ITFG2: variants seen among roughly 807,000 people sequenced by gnomAD.
ITFG2 encodes KICSTOR complex protein ITFG2.
A neutral mutation model predicts 54.4 loss-of-function variants in ITFG2; 36 were observed. That is an observed-to-expected ratio of 0.66 (90% CI 0.51 to 0.87). The LOEUF is 0.87. ITFG2 is among the 40% of genes least tolerant of loss of function. The pLI is 0.00. For missense variants in ITFG2, 524 were observed against 576.7 expected, an observed-to-expected ratio of 0.91 and a Z score of 0.94; for synonymous variants, 211 against 225.4, an observed-to-expected ratio of 0.94 and a Z score of 0.57.
chr12:2,818,529 G>A, intron 4 of ITFG2: 1 of 569,574 alleles, frequency 1.8e-6, no homozygotes. Flanking sequence ...TAGGTGTGCT[G>A]CCTCTCGCCT....
At chr12:2,856,561 T>C (rs889391502) in intron 2 of ITFG2, among the ~76,000 whole-genome samples, 1 of 152,142 alleles carries the variant, frequency 6.6e-6, no homozygotes, top group African/African-American at 2.4e-5. Context: ...GACGGTTTCA[T>C]CATGTTGGCC....
At chr12:2,836,419 A>G (rs1361275945), upstream of ITFG2, among the ~76,000 whole-genome samples, 1 of 152,212 alleles carries the variant, frequency 6.6e-6, no homozygotes, top group Non-Finnish European at 1.5e-5. Flanking sequence ...CCTGCTCCCT[A>G]AGGGTGCAGT....
At chr12:2,839,683 A>G (rs1031221334) in intron 1 of ITFG2, among the ~76,000 whole-genome samples, 1 of 152,162 alleles carries the variant, frequency 6.6e-6, no homozygotes, top group African/African-American at 2.4e-5. Context: ...TTCACATTCT[A>G]ATGGAACAGG....
rs1411381788 is a variant in ITFG2 at position 2,812,704 on chromosome 12, C to T, written c.-57C>T. 11 of 1,491,400 alleles carry T rather than the reference C, an allele frequency of 7.4e-6. No homozygotes were observed. Among genetic ancestry groups the T allele is most frequent in the African/African-American group, 1.4e-5 (1 of 72,800 alleles). 92.4% of individuals were successfully genotyped at this position (1,491,400 alleles called of 1,614,324 possible). On this transcript the variant is annotated 5_prime_UTR_variant, in exon 1 of 12. The change creates a new upstream start codon in the 5' untranslated region. Transcript: ENST00000228799. ...CCTTCCGCTCTGGCGGCTGTCGCGACGGGGGTTCAGGGAATATTTACTGGG... is the reference window on the plus strand; with the variant it reads ...CCTTCCGCTCTGGCGGCTGTCGCGATGGGGGTTCAGGGAATATTTACTGGG...
Position 2,858,762 on chromosome 12 carries a change from A to G in ITFG2, n.620+431A>G, listed in dbSNP as rs773390706. Reference sequence around the variant, plus strand: ...GAGGCTGTCATTCATTGTGTCCAGGACCAGGCCTTCTGTCAGAGAACGATT... The same window carrying G: ...GAGGCTGTCATTCATTGTGTCCAGGGCCAGGCCTTCTGTCAGAGAACGATT... On this transcript the variant is annotated intron_variant and non_coding_transcript_variant, in intron 3 of 3. Coordinates refer to the ITFG2 transcript ENST00000537710. 10 of 1,614,212 alleles carry G rather than the reference A, an allele frequency of 6.2e-6. No homozygotes were observed. The South Asian group carries it at 9.9e-5, about 16-fold the overall frequency.
chr12:2,823,790 G>A lies in ITFG2; in HGVS notation c.1087G>A (p.Gly363Ser), dbSNP rs746527574. The A allele has an allele frequency of 2.5e-6, 4 of 1,576,262 alleles. No individual in the cohort carries two copies. In the East Asian group the frequency reaches 6.7e-5, roughly 27 times the overall value. The change falls in exon 11 of 12, where the codon GGC becomes AGC. Residue 363 changes from glycine (G) to serine (S), a missense_variant. By Grantham distance (56) the Gly-to-Ser change is moderately conservative. Transcript: ENST00000228799. ...FCAGLYACKE[G>S]RNSPCLVYVT... ...TCCAGGCCTGTACGCCTGCAAAGAG[G>A]GCCGCAACAGCCCCTGCCTCGTATA... is the stretch of plus-strand genomic sequence containing the variant.
At chr12:2,837,273 C>T (rs952001300) in intron 1 of ITFG2, among the ~76,000 whole-genome samples, 2 of 151,614 alleles carry the variant, frequency 1.3e-5, no homozygotes, top group Admixed American at 6.6e-5. Flanking sequence ...GTCAGGAGAC[C>T]GAGACCATCC....
At chr12:2,851,180 G>A (rs983615833) in intron 2 of ITFG2, among the ~76,000 whole-genome samples, 1 of 151,416 alleles carries the variant, frequency 6.6e-6, no homozygotes, top group Non-Finnish European at 1.5e-5. Context: ...AAAAATTAAA[G>A]ATTTAAAGAT....
intron 3 of ITFG2, chr12:2,858,813 T>C (rs2098098985): frequency 6.2e-7 from 1 of 1,614,144 alleles, no homozygotes; most frequent in East Asian, 2.2e-5. Context: ...AACCTGTGGC[T>C]CCGGGGAGCC....
At chr12:2,829,988 A>G (rs546409290), downstream of ITFG2, among the ~76,000 whole-genome samples, 44 of 149,290 alleles carry the variant, frequency 2.9e-4, no homozygotes, top group South Asian at 8.3e-3. Context: ...GAGGCAGGAG[A>G]ATCGCTTGAA....
downstream of ITFG2, chr12:2,827,327 G>A (rs1265100376): frequency 1.2e-6 from 2 of 1,600,458 alleles, no homozygotes; most frequent in African/African-American, 2.7e-5. This position sits in a 1 kb window ranked among gnomAD's most constrained non-coding sequence, Gnocchi z 4.0. Context: ...GTCATGCCAG[G>A]TCACCTCAGC....
intron 5 of ITFG2, 90 bp from the exon 6 acceptor site, chr12:2,820,634 G>T (rs926404295): frequency 1.6e-5 from 2 of 126,552 alleles, no homozygotes; most frequent in Non-Finnish European, 3.3e-5. Flanking sequence ...CCCTGCCCCC[G>T]CCCCCGCCCA....
downstream of ITFG2, chr12:2,828,304 C>T (rs1387867942): frequency 1.3e-6 from 2 of 1,597,428 alleles, no homozygotes; most frequent in African/African-American, 1.3e-5. Flanking sequence ...CCCTGTCCCC[C>T]ACTTGCTTGT....
Position 2,824,623 on chromosome 12 carries a change from A to G in ITFG2, c.*430A>G, listed in dbSNP as rs759166702. The G allele has an allele frequency of 9.8e-6, 2 of 205,042 alleles. No homozygotes were observed. Among genetic ancestry groups the G allele is most frequent in the African/African-American group, 4.6e-5 (2 of 43,278 alleles). The allele number at this position is 205,042 out of a possible 1,614,324, so 12.7% of individuals were successfully genotyped here. A position where few individuals can be genotyped will look rare whatever the true frequency, so the allele number is the denominator to read the frequency against. The stretch of plus-strand genomic sequence containing the variant: ...CTTAAGCTCTGTCTTCCGTGGCACA[A>G]TTCCAAGTTCTTGACGTTAGTAATT... On this transcript the variant is annotated 3_prime_UTR_variant, in exon 12 of 12. Coordinates refer to ENST00000228799, the MANE Select transcript of ITFG2 (RefSeq NM_018463.4).
At chr12:2,815,994 A>C (rs1184060916) in intron 1 of ITFG2, among the ~76,000 whole-genome samples, 1 of 151,662 alleles carries the variant, frequency 6.6e-6, no homozygotes, top group Non-Finnish European at 1.5e-5. Context: ...CCTCCTGAGT[A>C]GCTGAAGCTG....
intron 3 of ITFG2, chr12:2,859,048 G>C: frequency 1.2e-6 from 2 of 1,609,056 alleles, no homozygotes; most frequent in Non-Finnish European, 1.7e-6. Flanking sequence ...TTGGCTGGGG[G>C]CGTGAGCCTC....
upstream of ITFG2, chr12:2,834,787 G>A (rs537635068): frequency 3.3e-5 from 53 of 1,613,636 alleles, 1 homozygote; most frequent in Middle Eastern, 3.3e-4. Context: ...CTGCCCCCTC[G>A]TCCTGGCTTC....
At chr12:2,843,291 C>T (rs928871788) in intron 2 of ITFG2, among the ~76,000 whole-genome samples, 1 of 152,164 alleles carries the variant, frequency 6.6e-6, no homozygotes, top group African/African-American at 2.4e-5. Context: ...CAGCAAGGGC[C>T]GCAGGCAGCC....
rs919448991 is a variant in ITFG2, at chr12:2,819,992, G to A, written c.407-94G>A. 4 of 1,477,534 alleles carry A rather than the reference G, an allele frequency of 2.7e-6. No homozygotes were observed. In the African/African-American group the frequency reaches 4.2e-5, roughly 16 times the overall value. 91.5% of individuals were successfully genotyped at this position (1,477,534 alleles called of 1,614,324 possible). On this transcript the variant is annotated intron_variant, in intron 4 of 11. Coordinates refer to ENST00000228799, the MANE Select transcript of ITFG2 (RefSeq NM_018463.4). The stretch of plus-strand genomic sequence containing the variant: ...AAGTGAGTAGCACCGCAGATCGGGT[G>A]TGAAGCCGCACTGGCTGGAAGGTGC...
Sources: allele counts gnomAD v4.1 joint callset (sites outside exome capture counted in the v4.1 genomes callset), GRCh38; gene constraint gnomAD v4.1.1; non-coding constraint Gnocchi (gnomAD v3.1); transcripts MANE v1.5; gene names NCBI Gene and HGNC (gene_info 2026-07-23, HGNC 2026-07-21).